The following PLD5 variants were observed in gnomAD, a reference collection of about 807,000 sequenced individuals.
The protein encoded by PLD5 is inactive phospholipase D5.
PLD5 carries 36 observed loss-of-function variants against 61.1 expected under a neutral mutation model. The observed-to-expected ratio is 0.59, with a 90% CI of 0.45 to 0.78. PLD5 has a LOEUF of 0.78. Ranked by LOEUF, PLD5 falls within the 30% of genes least tolerant of loss-of-function variation. The pLI, the probability that PLD5 is intolerant of heterozygous loss-of-function variation, is 0.00. For missense variants in PLD5, 515 were observed against 644.4 expected, an observed-to-expected ratio of 0.80 and a Z score of 2.17; for synonymous variants, 243 against 242.8, an observed-to-expected ratio of 1.00 and a Z score of -0.01.
chr1:242,291,575 G>A (rs1675366897), intron 2 of PLD5, among the ~76,000 whole-genome samples: 1 of 152,118 alleles, frequency 6.6e-6, no homozygotes, highest in African/African-American at 2.4e-5. Context: ...GGGAGGCCGA[G>A]GCGGGCGGAT....
chr1:242,336,247 G>C (rs1659501299), intron 2 of PLD5, among the ~76,000 whole-genome samples: 1 of 152,118 alleles, frequency 6.6e-6, no homozygotes, highest in African/African-American at 2.4e-5. Flanking sequence ...TGTACTATCT[G>C]TCTATCCACA....
At chr1:242,142,335 A>G (rs897250591) in intron 5 of PLD5, among the ~76,000 whole-genome samples, 2 of 152,238 alleles carry the variant, frequency 1.3e-5, no homozygotes. Context: ...TTGCCTTTCT[A>G]AAAGAAATCC....
intron 9 of PLD5, among the ~76,000 whole-genome samples, chr1:242,090,719 G>C (rs975841434): frequency 2.0e-5 from 3 of 152,116 alleles, no homozygotes; most frequent in Non-Finnish European, 2.9e-5. Flanking sequence ...CGTGTTTTTA[G>C]GGCTGCCATA....
Position 242,088,791 on chromosome 1 carries a change from C to T in PLD5, c.*1063G>A, listed in dbSNP as rs1405739544. ...GCTTCTTAGTAAAATATGTTAAGCA[C>T]AGTATTTAAATTGCATTTCTCTGAA... On this transcript the variant is annotated 3_prime_UTR_variant, in exon 10 of 10. Coordinates refer to ENST00000536534, the MANE Select transcript of PLD5 (RefSeq NM_001372062.1). 1 of 152,210 alleles carries T rather than the reference C, an allele frequency of 6.6e-6. No individual in the cohort carries two copies. The highest frequency in any genetic ancestry group is 2.4e-5 in the African/African-American group (1 of 41,424). 9.4% of individuals were successfully genotyped at this position (152,210 alleles called of 1,614,324 possible).
chr1:242,093,030 G>C (rs1031518671), intron 9 of PLD5, among the ~76,000 whole-genome samples: 1 of 151,988 alleles, frequency 6.6e-6, no homozygotes, highest in Non-Finnish European at 1.5e-5. Context: ...ACAGCACAAC[G>C]GTACTATCAG....
chr1:242,297,685 TGC>T (rs1675781835), intron 2 of PLD5, among the ~76,000 whole-genome samples: 1 of 144,276 alleles, frequency 6.9e-6, no homozygotes, highest in Admixed American at 7.0e-5. Context: ...CAGGCCGGAC[TGC>T]GGACTGCAGT....
intron 2 of PLD5, among the ~76,000 whole-genome samples, chr1:242,304,541 G>T (rs1254098030): frequency 1.3e-5 from 2 of 152,190 alleles, no homozygotes; most frequent in Admixed American, 1.3e-4. Context: ...TCTGCAAGTT[G>T]ATTCACTTTC....
chr1:242,345,237 C>T (rs1227297367), intron 2 of PLD5, among the ~76,000 whole-genome samples: 7 of 151,998 alleles, frequency 4.6e-5, no homozygotes, highest in African/African-American at 4.8e-5. Flanking sequence ...GGTGCTCTGC[C>T]GATAGGGGAT....
At chr1:242,103,863 T>C (rs1029839647) in intron 8 of PLD5, among the ~76,000 whole-genome samples, 5 of 152,218 alleles carry the variant, frequency 3.3e-5, no homozygotes, top group Non-Finnish European at 5.9e-5. Flanking sequence ...AGATCAGAAT[T>C]TCTATTATCC....
intron 2 of PLD5, among the ~76,000 whole-genome samples, chr1:242,328,263 TAC>T (rs199974648): frequency 1.3e-5 from 2 of 151,966 alleles, no homozygotes; most frequent in African/African-American, 2.4e-5. Flanking sequence ...TATATATATA[TAC>T]ACACACATAT....
chr1:242,325,812 G>A (rs1475922386), intron 2 of PLD5, among the ~76,000 whole-genome samples: 1 of 152,146 alleles, frequency 6.6e-6, no homozygotes, highest in East Asian at 1.9e-4. Flanking sequence ...CTTATGGGAA[G>A]CTCTTCTTAA....
intron 1 of PLD5, among the ~76,000 whole-genome samples, chr1:242,509,610 C>T (rs1668839654): frequency 6.6e-6 from 1 of 152,190 alleles, no homozygotes. Context: ...GATAGTAAAG[C>T]TCTCCTTTTC....
intron 5 of PLD5, among the ~76,000 whole-genome samples, chr1:242,219,397 C>T (rs1180582785): frequency 6.6e-6 from 1 of 152,086 alleles, no homozygotes; most frequent in Non-Finnish European, 1.5e-5. Context: ...AGAAGGTTGG[C>T]TAGTCTTCCT....
intron 4 of PLD5, among the ~76,000 whole-genome samples, chr1:242,239,900 T>C (rs967838430): frequency 2.0e-5 from 3 of 152,284 alleles, no homozygotes; most frequent in Admixed American, 1.3e-4. Flanking sequence ...AATTGAAAAC[T>C]GTACTTGGGC....
At chr1:242,160,171 C>T (rs1023547287) in intron 5 of PLD5, among the ~76,000 whole-genome samples, 7 of 152,042 alleles carry the variant, frequency 4.6e-5, no homozygotes, top group Non-Finnish European at 8.8e-5. Flanking sequence ...GCCACCACAT[C>T]TGGCTAATTA....
At chr1:242,172,102 C>G (rs1244204450) in intron 5 of PLD5, among the ~76,000 whole-genome samples, 1 of 152,188 alleles carries the variant, frequency 6.6e-6, no homozygotes, top group Non-Finnish European at 1.5e-5. Context: ...CCTCATTGCA[C>G]TTATTCTAAA....
intron 5 of PLD5, among the ~76,000 whole-genome samples, chr1:242,126,858 G>A (rs1023391907): frequency 1.3e-5 from 2 of 152,142 alleles, no homozygotes; most frequent in African/African-American, 4.8e-5. Context: ...GGAACAGTCA[G>A]CAGAATAAAC....
chr1:242,399,919 A>G (rs1043271146), intron 1 of PLD5, among the ~76,000 whole-genome samples: 2 of 152,212 alleles, frequency 1.3e-5, no homozygotes, highest in African/African-American at 2.4e-5. Flanking sequence ...CTGTAATCCC[A>G]GCACTTTGGG....
intron 5 of PLD5, among the ~76,000 whole-genome samples, chr1:242,187,943 C>T (rs1017004813): frequency 7.2e-5 from 11 of 152,126 alleles, no homozygotes; most frequent in East Asian, 1.9e-4. Context: ...TTGAATGTCA[C>T]GCTGAAGAGT....
Sources: allele counts gnomAD v4.1 joint callset (sites outside exome capture counted in the v4.1 genomes callset), GRCh38; gene constraint gnomAD v4.1.1; transcripts MANE v1.5; gene names NCBI Gene and HGNC (gene_info 2026-07-23, HGNC 2026-07-21).